HOXB6: variants seen among roughly 807,000 people sequenced by gnomAD.
The protein encoded by HOXB6 is homeobox protein Hox-B6.
Under a neutral mutation model 24.2 loss-of-function variants are expected in HOXB6, and 18 were observed. That is an observed-to-expected ratio of 0.74 (90% CI 0.51 to 1.10). The LOEUF is 1.10. Among genes scored for constraint, HOXB6 ranks in the 50% least tolerant of loss-of-function variants. The pLI, the probability that HOXB6 is intolerant of heterozygous loss-of-function variation, is 0.00. For missense variants in HOXB6, 332 were observed against 308.3 expected (o/e 1.08, Z -0.58); for synonymous variants, 159 against 139.1 (o/e 1.14, Z -1.01).
Position 48,602,052 on chromosome 17 carries a change from A to C in HOXB6, c.-79+2428T>G, listed in dbSNP as rs1242329088. 8 of 454,308 alleles carry C rather than the reference A, an allele frequency of 1.8e-5. No homozygotes were observed. In the Admixed American group the frequency reaches 1.9e-4, roughly 11 times the overall value. 28.1% of individuals were successfully genotyped at this position (454,308 alleles called of 1,614,324 possible). ...GGATTTGGCCCCAGTCCCACTACCA[A>C]ATTTTTCCCAAATCATATTTAGGTA... On this transcript the variant is annotated intron_variant, in intron 2 of 3. Coordinates refer to ENST00000225648, the MANE Select transcript of HOXB6 (RefSeq NM_018952.5).
In HOXB6 at chr17:48,599,364, C is replaced by T. The variant is rs747622777; in HGVS notation, c.-78-1136G>A. On this transcript the variant is annotated intron_variant, in intron 2 of 3. Coordinates refer to ENST00000225648, the MANE Select transcript of HOXB6 (RefSeq NM_018952.5). ...TGATAGTTGAGGCAGTCAGAGACCACTGGGAAGAAATGCATCCTCACTCCT... is the reference window on the plus strand; with the variant it reads ...TGATAGTTGAGGCAGTCAGAGACCATTGGGAAGAAATGCATCCTCACTCCT... Among the ~76,000 whole-genome samples, 28 of 152,342 alleles carry T rather than the reference C, an allele frequency of 1.8e-4. 1 individual carries two copies. Among genetic ancestry groups the T allele is most frequent in the Admixed American group, 5.2e-4 (8 of 15,312 alleles).
chr17:48,597,454 C>G (rs1476802183), intron 3 of HOXB6, among the ~76,000 whole-genome samples: 1 of 152,218 alleles, frequency 6.6e-6, no homozygotes, highest in Non-Finnish European at 1.5e-5. Context: ...CTCCTGCTCC[C>G]TTCCCTGTCC....
intron 2 of HOXB6, among the ~76,000 whole-genome samples, chr17:48,598,804 G>C (rs2070387867): frequency 6.6e-6 from 1 of 152,184 alleles, no homozygotes; most frequent in Non-Finnish European, 1.5e-5. Context: ...CCCAGGTTTT[G>C]AACATCGTTT....
intron 2 of HOXB6, among the ~76,000 whole-genome samples, chr17:48,600,107 C>T (rs543446153): frequency 6.6e-6 from 1 of 152,116 alleles, no homozygotes; most frequent in South Asian, 2.1e-4. Context: ...CAAATTTAAA[C>T]CCCCTGATAA....
At chr17:48,603,550 C>G (rs897632630) in intron 2 of HOXB6, among the ~76,000 whole-genome samples, 1 of 152,202 alleles carries the variant, frequency 6.6e-6, no homozygotes. Flanking sequence ...AGGCACTTAA[C>G]AGCTTCTTCA....
chr17:48,597,833 C>T lies in HOXB6; in HGVS notation c.318G>A (p.Ser106=), dbSNP rs1212969709. Residue 106 remains serine, a synonymous_variant, in exon 3 of 4, where the codon TCG becomes TCA. Transcript: ENST00000225648. ...ACACGCTCTTGTCCTGCGCGCAGTC[C>T]GACTTCCGCGGCTCGGGGTGGAACG... ...QPPFHPEPRK[S]DCAQDKSVFG... 6.2e-7 allele frequency: 1 copy of T among 1,602,850 alleles called. No homozygotes were observed. The highest frequency in any genetic ancestry group is 2.3e-5 in the East Asian group (1 of 44,284).
At chr17:48,597,141 A>T in intron 3 of HOXB6, 1 of 996,918 alleles carries the variant, frequency 1.0e-6, no homozygotes, top group Non-Finnish European at 1.2e-6. Context: ...AAATAATCCA[A>T]CCTGAGACCC....
Position 48,596,363 on chromosome 17 carries a change from G to T in HOXB6, c.*50C>A, listed in dbSNP as rs2144950230. On this transcript the variant is annotated 3_prime_UTR_variant, in exon 4 of 4. Coordinates refer to ENST00000225648, the MANE Select transcript of HOXB6 (RefSeq NM_018952.5). The surrounding 1 kb of genome is among the most constrained non-coding windows in gnomAD (Gnocchi z 4.8). ...CTTCCCGGGTCTCTCTGACGCCCTC[G>T]GCTCCCCACAGGCCTTTCCCCTCGC... is the stretch of plus-strand genomic sequence containing the variant. 5 of 1,612,472 alleles carry T rather than the reference G, an allele frequency of 3.1e-6. No individual in the cohort carries two copies. In the East Asian group the frequency reaches 1.1e-4, roughly 36 times the overall value.
chr17:48,602,280 C>T (rs745530424), intron 2 of HOXB6: 1 of 454,724 alleles, frequency 2.2e-6, no homozygotes, highest in Non-Finnish European at 4.4e-6. Flanking sequence ...GGCGCCTGCC[C>T]TGCGGGTCCC....
At chr17:48,598,862 G>T (rs1332665620) in intron 2 of HOXB6, among the ~76,000 whole-genome samples, 1 of 152,178 alleles carries the variant, frequency 6.6e-6, no homozygotes, top group Non-Finnish European at 1.5e-5. Context: ...TCGGCTTATT[G>T]TTCCTGCTTC....
At chr17:48,599,131 TGAA>T (rs1378279567) in intron 2 of HOXB6, among the ~76,000 whole-genome samples, 2 of 152,078 alleles carry the variant, frequency 1.3e-5, no homozygotes, top group African/African-American at 4.8e-5. Flanking sequence ...TGATATGGAG[TGAA>T]GGAGTGAGGG....
rs777522253 is a variant in HOXB6, at chr17:48,597,917, C to T, written c.234G>A (p.Pro78=). 1.3e-5 allele frequency: 20 copies of T among 1,575,258 alleles called. No individual in the cohort carries two copies. The highest frequency in any genetic ancestry group is 1.6e-5 in the Non-Finnish European group (19 of 1,160,326). Residue 78 remains proline (P), a synonymous_variant, in exon 3 of 4, where the codon CCG becomes CCA. Coordinates refer to ENST00000225648, the MANE Select transcript of HOXB6 (RefSeq NM_018952.5). The part of the protein sequence containing the change: ...RAAPCDYGPA[P]AFYREKESAC... ...CCGACTCTTTCTCGCGGTAGAAGGC[C>T]GGCGCCGGCCCGTAGTCGCAGGGCG...
chr17:48,600,287 C>G (rs1438892238), intron 2 of HOXB6, among the ~76,000 whole-genome samples: 5 of 152,090 alleles, frequency 3.3e-5, no homozygotes, highest in Non-Finnish European at 5.9e-5. Flanking sequence ...CCTCCCTGCC[C>G]ACAATGTCTC....
In HOXB6 at chr17:48,597,854, G is replaced by A. The variant is rs780133014; in HGVS notation, c.297C>T (p.Phe99=). ...ALSGADEQPP[F]HPEPRKSDCA... ...AGTCCGACTTCCGCGGCTCGGGGTG[G>A]AACGGGGGCTGCTCGTCGGCGCCGG... Residue 99 remains phenylalanine (F), a synonymous_variant, in exon 3 of 4, where the codon TTC becomes TTT. Coordinates refer to ENST00000225648, the MANE Select transcript of HOXB6 (RefSeq NM_018952.5). The A allele has an allele frequency of 1.7e-5, 27 of 1,597,838 alleles. No homozygotes were observed. The highest frequency in any genetic ancestry group is 1.7e-4 in the Middle Eastern group (1 of 6,056).
intron 2 of HOXB6, among the ~76,000 whole-genome samples, chr17:48,599,667 G>A (rs1168862554): frequency 6.6e-6 from 1 of 152,118 alleles, no homozygotes; most frequent in Non-Finnish European, 1.5e-5. Flanking sequence ...TTCATCCAAG[G>A]AAAATAAGCA....
chr17:48,597,125 G>T, intron 3 of HOXB6: 1 of 1,055,308 alleles, frequency 9.5e-7, no homozygotes, highest in Non-Finnish European at 1.1e-6. Context: ...GGGACTTAAG[G>T]CCAACAAATA....
chr17:48,600,570 G>A (rs2070436102), intron 2 of HOXB6: 1 of 454,536 alleles, frequency 2.2e-6, no homozygotes, highest in African/African-American at 2.0e-5. Context: ...TTATTCGTCT[G>A]ATCCGTTTGT....
chr17:48,596,533 C>T lies in HOXB6; in HGVS notation c.555G>A (p.Leu185=). ...RRIEIAHALC[L]TERQIKIWFQ... ...ACCATATCTTGATCTGCCTCTCCGT[C>T]AGGCACAGGGCGTGCGCGATCTCGA... Residue 185 remains leucine, a synonymous_variant, in exon 4 of 4, where the codon CTG becomes CTA. Coordinates refer to ENST00000225648, the MANE Select transcript of HOXB6 (RefSeq NM_018952.5). The surrounding 1 kb of genome is among the most constrained non-coding windows in gnomAD (Gnocchi z 4.8). 1 of 1,614,272 alleles carries T rather than the reference C, an allele frequency of 6.2e-7. No individual in the cohort carries two copies. The highest frequency in any genetic ancestry group is 8.5e-7 in the Non-Finnish European group (1 of 1,180,050).
intron 2 of HOXB6, among the ~76,000 whole-genome samples, chr17:48,600,713 C>T (rs1190806935): frequency 1.3e-5 from 2 of 152,166 alleles, no homozygotes; most frequent in Non-Finnish European, 2.9e-5. Flanking sequence ...AAATACACAG[C>T]GGGCTCAGCC....
Sources: allele counts gnomAD v4.1 joint callset (sites outside exome capture counted in the v4.1 genomes callset), GRCh38; gene constraint gnomAD v4.1.1; non-coding constraint Gnocchi (gnomAD v3.1); transcripts MANE v1.5; gene names NCBI Gene and HGNC (gene_info 2026-07-23, HGNC 2026-07-21).